Variants in SHLD1 observed in about 807,000 individuals in gnomAD.
The protein encoded by SHLD1 is RINN1-REV7-interacting novel NHEJ regulator 3.
Under a neutral mutation model 5.5 loss-of-function variants are expected in SHLD1, and 3 were observed. That is an observed-to-expected ratio of 0.54 (90% CI 0.25 to 1.40). The LOEUF is 1.40. Ranked by LOEUF, SHLD1 falls within the 40% of genes most tolerant of loss-of-function variation. SHLD1 has a pLI of 0.15. For missense variants in SHLD1, 210 were observed against 244.4 expected (o/e 0.86, Z 0.94); for synonymous variants, 92 against 94.3 (o/e 0.98, Z 0.14).
chr20:5,848,837 G>A (rs1051775246), intron 2 of SHLD1, among the ~76,000 whole-genome samples: 1 of 151,972 alleles, frequency 6.6e-6, no homozygotes, highest in African/African-American at 2.4e-5. Flanking sequence ...TTAGAGGACC[G>A]CGTCCTCTGC....
chr20:5,858,885 G>A (rs1362801776), intron 2 of SHLD1, among the ~76,000 whole-genome samples: 1 of 152,146 alleles, frequency 6.6e-6, no homozygotes, highest in Non-Finnish European at 1.5e-5. Context: ...TTGGCAAAGA[G>A]AAAATTTAAC....
intron 2 of SHLD1, among the ~76,000 whole-genome samples, chr20:5,776,921 T>C (rs1568497181): frequency 6.6e-6 from 1 of 152,194 alleles, no homozygotes; most frequent in African/African-American, 2.4e-5. Context: ...CTCCCATTTA[T>C]TGAGCATTTA....
intron 2 of SHLD1, among the ~76,000 whole-genome samples, chr20:5,805,831 C>G (rs1046172762): frequency 1.1e-4 from 17 of 152,110 alleles, no homozygotes; most frequent in East Asian, 3.9e-4. Context: ...AAACTCCCAA[C>G]CTCAGGTGAT....
chr20:5,768,988 C>G (rs1355670604), intron 1 of SHLD1, among the ~76,000 whole-genome samples: 2 of 150,904 alleles, frequency 1.3e-5, no homozygotes, highest in African/African-American at 4.9e-5. Flanking sequence ...TCACTGCAGC[C>G]TTGACCTCCC....
chr20:5,751,990 G>A (rs1441198150), intron 1 of SHLD1, among the ~76,000 whole-genome samples: 1 of 152,178 alleles, frequency 6.6e-6, no homozygotes, highest in Non-Finnish European at 1.5e-5. Context: ...AAGACTTGAA[G>A]TCAGTAGAAA....
intron 1 of SHLD1, among the ~76,000 whole-genome samples, chr20:5,757,218 C>A (rs1984169796): frequency 1.3e-5 from 2 of 151,556 alleles, no homozygotes; most frequent in African/African-American, 4.8e-5. Context: ...GCTGGGATTA[C>A]AAAGTACACC....
rs553612995 is a variant in SHLD1, at chr20:5,828,534, C to CCTTT, written c.179-34488_179-34485dup. Among the ~76,000 whole-genome samples the CCTTT allele has an allele frequency of 1.6e-3, 244 of 152,248 alleles. 1 individual carries two copies. Among genetic ancestry groups the CCTTT allele is most frequent in the Middle Eastern group, 3.4e-3 (1 of 294 alleles). On this transcript the variant is annotated intron_variant, in intron 2 of 2. Transcript: ENST00000303142. ...ATTCCCACATCATTAGAGCAGCCAC[C>CCTTT]CTTTCCACTTGCATGGAAGTAGGTC...
chr20:5,783,360 A>C (rs1489400718), intron 2 of SHLD1, among the ~76,000 whole-genome samples: 4 of 152,146 alleles, frequency 2.6e-5, no homozygotes, highest in Non-Finnish European at 5.9e-5. Flanking sequence ...AGTAGCTGGC[A>C]CTACAGGAGC....
chr20:5,757,374 C>T (rs1273177977), intron 1 of SHLD1, among the ~76,000 whole-genome samples: 1 of 151,924 alleles, frequency 6.6e-6, no homozygotes, highest in African/African-American at 2.4e-5. Flanking sequence ...CAGCCTTTTT[C>T]TCTCTTTATT....
intron 2 of SHLD1, among the ~76,000 whole-genome samples, chr20:5,857,527 G>A (rs989795611): frequency 6.6e-6 from 1 of 152,098 alleles, no homozygotes; most frequent in African/African-American, 2.4e-5. Flanking sequence ...CTTAAGTCTT[G>A]GTCAGGTGCT....
chr20:5,755,153 C>T (rs779159978), intron 1 of SHLD1, among the ~76,000 whole-genome samples: 3 of 152,084 alleles, frequency 2.0e-5, no homozygotes, highest in Non-Finnish European at 4.4e-5. Flanking sequence ...AAGTAACAGG[C>T]TTTAGAGAGA....
rs574368494 is a variant in SHLD1, at chr20:5,753,919, T to C, written c.-5+3440T>C. ...GGGAGAGCTTTTCTCTTTTGCCTATTAGACTTTCCTCTCTTAAACACACTC... is the reference window on the plus strand; with the variant it reads ...GGGAGAGCTTTTCTCTTTTGCCTATCAGACTTTCCTCTCTTAAACACACTC... On this transcript the variant is annotated intron_variant, in intron 1 of 2. Transcript: ENST00000303142. 2.6e-5 allele frequency among the ~76,000 whole-genome samples: 4 copies of C among 152,206 alleles called. No homozygotes were observed. The South Asian group carries it at 8.3e-4, about 32-fold the overall frequency.
chr20:5,857,448 T>C (rs990836410), intron 2 of SHLD1, among the ~76,000 whole-genome samples: 3 of 152,082 alleles, frequency 2.0e-5, no homozygotes, highest in Non-Finnish European at 2.9e-5. Flanking sequence ...CCAAGCAGCA[T>C]AGAAGGAAAC....
At chr20:5,753,901 C>T (rs1250619810) in intron 1 of SHLD1, among the ~76,000 whole-genome samples, 1 of 152,162 alleles carries the variant, frequency 6.6e-6, no homozygotes, top group African/African-American at 2.4e-5. Context: ...CATGGGAGAG[C>T]TTTTCTCTTT....
chr20:5,759,630 C>T (rs971317441), intron 1 of SHLD1, among the ~76,000 whole-genome samples: 1 of 151,960 alleles, frequency 6.6e-6, no homozygotes, highest in African/African-American at 2.4e-5. Flanking sequence ...ACCTCCTGAG[C>T]TCAAGTGATC....
intron 2 of SHLD1, among the ~76,000 whole-genome samples, chr20:5,817,418 CTCTCTCTCTCTCTCTGTG>C (rs1211044269): frequency 1.5e-5 from 2 of 136,656 alleles, no homozygotes; most frequent in African/African-American, 5.9e-5. Context: ...CTCTCTCTCT[CTCTCTCTCTCTCTCTGTG>C]TGTGTGTGTG....
At chr20:5,813,366 T>C (rs2087486261) in intron 2 of SHLD1, among the ~76,000 whole-genome samples, 1 of 152,144 alleles carries the variant, frequency 6.6e-6, no homozygotes. Flanking sequence ...GGCACGTGCC[T>C]GTAGTCCCAG....
chr20:5,778,198 G>C (rs1985524732), intron 2 of SHLD1, among the ~76,000 whole-genome samples: 1 of 145,648 alleles, frequency 6.9e-6, no homozygotes. Context: ...CTCACTGCAA[G>C]CTCCGCCTCC....
At chr20:5,846,914 T>A (rs559253403) in intron 2 of SHLD1, among the ~76,000 whole-genome samples, 1 of 152,290 alleles carries the variant, frequency 6.6e-6, no homozygotes, top group East Asian at 1.9e-4. Flanking sequence ...TAAGCCTCAG[T>A]TTCATGGAAA....
Sources: gnomAD v4.1 joint callset for allele counts (sites outside exome capture counted in the v4.1 genomes callset) on GRCh38, gnomAD v4.1.1 for gene constraint, MANE v1.5 for transcripts, NCBI Gene and HGNC (gene_info 2026-07-23, HGNC 2026-07-21) for gene names.